The following TANC1 variants were observed in gnomAD, a reference collection of about 807,000 sequenced individuals.
TANC1 encodes protein TANC1.
A neutral mutation model predicts 149.7 loss-of-function variants in TANC1; 77 were observed. That is an observed-to-expected ratio of 0.51 (90% CI 0.43 to 0.62). TANC1 has a LOEUF of 0.62. Among genes scored for constraint, TANC1 ranks in the 20% least tolerant of loss-of-function variants. TANC1 has a pLI of 0.00. For synonymous variants in TANC1, 854 were observed against 925.0 expected (o/e 0.92, Z 1.39); for missense variants, 1,985 against 2,321.8 (o/e 0.85, Z 2.98).
At chr2:159,146,792 C>T (rs959897444) in intron 5 of TANC1, among the ~76,000 whole-genome samples, 2 of 152,062 alleles carry the variant, frequency 1.3e-5, no homozygotes, top group Non-Finnish European at 1.5e-5. Context: ...CCACCCGCCT[C>T]GGCCTCCCAA....
chr2:159,218,510 A>G (rs2059488394), intron 20 of TANC1, among the ~76,000 whole-genome samples: 1 of 152,218 alleles, frequency 6.6e-6, no homozygotes, highest in East Asian at 1.9e-4. Context: ...GCAAGAAGGC[A>G]GTGGGATTGT....
intron 8 of TANC1, among the ~76,000 whole-genome samples, chr2:159,163,780 C>T (rs1243957201): frequency 1.3e-5 from 2 of 152,146 alleles, no homozygotes; most frequent in Non-Finnish European, 2.9e-5. Flanking sequence ...TTTGGACTGT[C>T]AGGCTCTTTG....
intron 2 of TANC1, among the ~76,000 whole-genome samples, chr2:159,051,449 CAG>C (rs2041455421): frequency 6.6e-6 from 1 of 152,126 alleles, no homozygotes. Flanking sequence ...GGTTTCACTG[CAG>C]AGTTACTAAG....
intron 2 of TANC1, among the ~76,000 whole-genome samples, chr2:159,011,757 T>TA (rs958091553): frequency 1.3e-5 from 2 of 152,100 alleles, no homozygotes; most frequent in African/African-American, 4.8e-5. Context: ...CTTACATTTT[T>TA]AAAAAAATGA....
intron 14 of TANC1, among the ~76,000 whole-genome samples, chr2:159,181,999 G>A (rs1357375779): frequency 6.6e-6 from 1 of 151,954 alleles, no homozygotes; most frequent in Admixed American, 6.6e-5. Context: ...TCAGGGGTTC[G>A]AGACCAGCCT....
Position 159,016,574 on chromosome 2 carries a change from A to T in TANC1, c.-16+15385A>T, listed in dbSNP as rs1229704526. Among the ~76,000 whole-genome samples, 23 of 147,538 alleles carry T rather than the reference A, an allele frequency of 1.6e-4. No homozygotes were observed. The South Asian group carries it at 4.3e-3, about 28-fold the overall frequency. On this transcript the variant is annotated intron_variant, in intron 2 of 26. Coordinates refer to ENST00000263635, the MANE Select transcript of TANC1 (RefSeq NM_033394.3). Reference sequence around the variant, plus strand: ...TTAGTTTATATGCAGCTTGGTCAAAATTTTTTGTTTTTTTTTTTGAGATGG... The same window carrying T: ...TTAGTTTATATGCAGCTTGGTCAAATTTTTTTGTTTTTTTTTTTGAGATGG...
At chr2:159,108,591 C>T (rs1464975024) in intron 4 of TANC1, among the ~76,000 whole-genome samples, 1 of 152,202 alleles carries the variant, frequency 6.6e-6, no homozygotes. Context: ...GTGATTATAT[C>T]TAGTGCTAAT....
intron 5 of TANC1, among the ~76,000 whole-genome samples, chr2:159,146,536 C>CTTT (rs35745470): frequency 1.3e-5 from 1 of 78,378 alleles, no homozygotes; most frequent in Non-Finnish European, 2.6e-5. Context: ...GTCCCTTTTC[C>CTTT]TTTTTTTTTT....
chr2:159,011,528 T>G (rs913258696), intron 2 of TANC1, among the ~76,000 whole-genome samples: 5 of 43,520 alleles, frequency 1.1e-4, no homozygotes, highest in African/African-American at 4.1e-4. Flanking sequence ...ACACCTTAAA[T>G]TTTTTTTTTT....
intron 4 of TANC1, among the ~76,000 whole-genome samples, chr2:159,113,098 C>A (rs150401600): frequency 6.6e-6 from 1 of 152,174 alleles, no homozygotes; most frequent in Non-Finnish European, 1.5e-5. Context: ...CTACGCGTGG[C>A]TAATTTTTGT....
intron 4 of TANC1, among the ~76,000 whole-genome samples, chr2:159,106,363 T>C (rs2047183971): frequency 6.6e-6 from 1 of 152,204 alleles, no homozygotes; most frequent in South Asian, 2.1e-4. Context: ...GAGTCTACTT[T>C]ATGTCTCTTG....
At chr2:159,073,158 C>T (rs2043307326) in intron 3 of TANC1, among the ~76,000 whole-genome samples, 1 of 152,184 alleles carries the variant, frequency 6.6e-6, no homozygotes, top group Non-Finnish European at 1.5e-5. Flanking sequence ...AAAATGTTAT[C>T]TCAACACATC....
At chr2:159,152,678 T>C (rs1306196068) in intron 7 of TANC1, among the ~76,000 whole-genome samples, 1 of 152,064 alleles carries the variant, frequency 6.6e-6, no homozygotes, top group Non-Finnish European at 1.5e-5. Flanking sequence ...TTTAACATAT[T>C]TCACTGTGTT....
chr2:159,116,451 CAACAA>C (rs1295184521), intron 4 of TANC1, among the ~76,000 whole-genome samples: 68 of 135,394 alleles, frequency 5.0e-4, no homozygotes, highest in African/African-American at 1.0e-3. Flanking sequence ...ACAACAACAA[CAACAA>C]AAAAAAAAAA....
intron 2 of TANC1, among the ~76,000 whole-genome samples, chr2:159,026,567 A>G (rs2039360229): frequency 6.6e-6 from 1 of 152,170 alleles, no homozygotes; most frequent in Admixed American, 6.5e-5. Context: ...ACAGTTTTGG[A>G]GACTATGAAG....
At chr2:159,224,601 A>C in intron 23 of TANC1, 1 of 480,822 alleles carries the variant, frequency 2.1e-6, no homozygotes, top group East Asian at 3.5e-5. Flanking sequence ...CTGGAGTGGT[A>C]TCAGTGGCCA....
intron 1 of TANC1, among the ~76,000 whole-genome samples, chr2:158,974,496 C>T (rs1017941482): frequency 1.3e-5 from 2 of 152,108 alleles, no homozygotes; most frequent in African/African-American, 4.8e-5. Flanking sequence ...CACAGTGGTA[C>T]AATCTCAGCT....
At chr2:158,970,003 A>C (rs1022886863) in intron 1 of TANC1, among the ~76,000 whole-genome samples, 2 of 152,178 alleles carry the variant, frequency 1.3e-5, no homozygotes, top group African/African-American at 4.8e-5. Context: ...CTGAGTCTTA[A>C]CGTGGGTTGG....
chr2:158,990,902 G>A (rs781060179), intron 1 of TANC1, among the ~76,000 whole-genome samples: 5 of 151,852 alleles, frequency 3.3e-5, no homozygotes, highest in Non-Finnish European at 5.9e-5. Context: ...GCAAACCCTC[G>A]TCTCTACAAA....
Sources: gnomAD v4.1 joint callset for allele counts (sites outside exome capture counted in the v4.1 genomes callset) on GRCh38, gnomAD v4.1.1 for gene constraint, MANE v1.5 for transcripts, NCBI Gene and HGNC (gene_info 2026-07-23, HGNC 2026-07-21) for gene names.